Variants in CLN6 observed in about 807,000 individuals in gnomAD.
The protein encoded by CLN6 is CLN6 transmembrane ER protein, also known as ceroid-lipofuscinosis neuronal protein 6.
In CLN6, 22 loss-of-function variants were observed where a neutral mutation model predicts 33.3. The ratio of observed to expected loss-of-function variants is 0.66; its 90% confidence interval spans 0.47 to 0.94. CLN6 has a LOEUF of 0.94. CLN6 is among the 40% of genes least tolerant of loss of function. CLN6 has a pLI of 0.00. For synonymous variants in CLN6, 201 were observed against 174.6 expected (o/e 1.15, Z -1.19); for missense variants, 387 against 417.1 (o/e 0.93, Z 0.63).
intron 1 of CLN6, among the ~76,000 whole-genome samples, chr15:68,229,262 G>C: frequency 6.6e-6 from 1 of 152,168 alleles, no homozygotes. Context: ...CCTCCCACCC[G>C]AGCAACGGCG....
At chr15:68,229,383 C>G (rs1039220401) in intron 1 of CLN6, 119 bp downstream of exon 1, 2 of 753,548 alleles carry the variant, frequency 2.7e-6, no homozygotes, top group Non-Finnish European at 3.8e-6. Flanking sequence ...CTCCGCTCCG[C>G]CCCGGCCAGC....
chr15:68,228,755 AC>A lies in CLN6; in HGVS notation c.83+746del, dbSNP rs1186860234. On this transcript the variant is annotated intron_variant, in intron 1 of 6. Transcript: ENST00000249806. This position sits in a 1 kb window ranked among gnomAD's most constrained non-coding sequence, Gnocchi z 4.4. ...CTCTGTCTCTCCTGATCCCTACAGGACCGTAAGCCTCTCCCACCTTCACCCT... is the reference window on the plus strand; with the variant it reads ...CTCTGTCTCTCCTGATCCCTACAGGACGTAAGCCTCTCCCACCTTCACCCT... Among the ~76,000 whole-genome samples, 1 of 151,908 alleles carries A rather than the reference AC, an allele frequency of 6.6e-6. No individual in the cohort carries two copies. The highest frequency in any genetic ancestry group is 1.5e-5 in the Non-Finnish European group (1 of 67,966).
chr15:68,217,152 T>G (rs185517633), intron 2 of CLN6, among the ~76,000 whole-genome samples: 9 of 152,382 alleles, frequency 5.9e-5, no homozygotes, highest in Admixed American at 2.0e-4. Flanking sequence ...ACACTTATTG[T>G]GTTAGGCACT....
Position 68,228,224 on chromosome 15 carries a change from C to T in CLN6, c.83+1278G>A, listed in dbSNP as rs967516015. 1.3e-5 allele frequency among the ~76,000 whole-genome samples: 2 copies of T among 152,180 alleles called. No individual in the cohort carries two copies. Among genetic ancestry groups the T allele is most frequent in the Non-Finnish European group, 2.9e-5 (2 of 68,026 alleles). ...GCCCGCATGTCCGCAGCAGCAGAAACGAGCCATCCCTCACCTCAGCCCAAG... is the reference window on the plus strand; with the variant it reads ...GCCCGCATGTCCGCAGCAGCAGAAATGAGCCATCCCTCACCTCAGCCCAAG... On this transcript the variant is annotated intron_variant, in intron 1 of 6. Coordinates refer to ENST00000249806, the MANE Select transcript of CLN6 (RefSeq NM_017882.3). This position sits in a 1 kb window ranked among gnomAD's most constrained non-coding sequence, Gnocchi z 4.4.
chr15:68,218,531 C>T lies in CLN6; in HGVS notation c.198+5G>A. The T allele has an allele frequency of 6.2e-7, 1 of 1,601,354 alleles. No individual in the cohort carries two copies. The highest frequency in any genetic ancestry group is 8.6e-7 in the Non-Finnish European group (1 of 1,168,392). The stretch of plus-strand genomic sequence containing the variant: ...TCAGAGCCCTGTGCACCATTTCACA[C>T]TCACCATGGCAATGGGACGCCCAAA... On this transcript the variant is annotated splice_donor_5th_base_variant and intron_variant, in intron 2 of 6. Transcript: ENST00000249806.
At chr15:68,232,886 A>AT (rs2093270264), upstream of CLN6, among the ~76,000 whole-genome samples, 1 of 152,118 alleles carries the variant, frequency 6.6e-6, no homozygotes, top group Non-Finnish European at 1.5e-5. The surrounding 1 kb of genome is among the most constrained non-coding windows in gnomAD (Gnocchi z 4.7). Flanking sequence ...TACTAAAAAT[A>AT]CAAAAACGAA....
chr15:68,223,744 G>GAA (rs570594236), intron 1 of CLN6, among the ~76,000 whole-genome samples: 4 of 140,776 alleles, frequency 2.8e-5, no homozygotes, highest in Admixed American at 7.2e-5. Flanking sequence ...AGTAGGACAG[G>GAA]AAAAAAAAAA....
chr15:68,256,826 G>A lies in CLN6; in HGVS notation c.43C>T (p.Pro15Ser), dbSNP rs1003426651. 2 of 701,138 alleles carry A rather than the reference G, an allele frequency of 2.9e-6. No homozygotes were observed. The highest frequency in any genetic ancestry group is 4.0e-5 in the Admixed American group (2 of 49,876). The allele number at this position is 701,138 out of a possible 1,614,324, so 43.4% of individuals were successfully genotyped here. A position where few individuals can be genotyped will look rare whatever the true frequency, so the allele number is the denominator to read the frequency against. Reference sequence around the variant, plus strand: ...ATGGCTCCCAGTGTCTCTGGCCGGGGCCTGCCTCTCGCTCGCCGCTCCTTC... The same window carrying A: ...ATGGCTCCCAGTGTCTCTGGCCGGGACCTGCCTCTCGCTCGCCGCTCCTTC... The change falls in exon 1 of 7, where the codon CCC (proline) becomes TCC (serine). Residue 15 changes from proline (P) to serine (S), a missense_variant. By Grantham distance (74) the Pro-to-Ser change is moderately conservative. Transcript: ENST00000538696. The surrounding 1 kb of genome is among the most constrained non-coding windows in gnomAD (Gnocchi z 4.1).
rs2093259255 is a variant in CLN6, at chr15:68,228,769, C to T, written c.83+733G>A. Among the ~76,000 whole-genome samples, 1 of 152,134 alleles carries T rather than the reference C, an allele frequency of 6.6e-6. No homozygotes were observed. Among genetic ancestry groups the T allele is most frequent in the Non-Finnish European group, 1.5e-5 (1 of 68,022 alleles). The stretch of plus-strand genomic sequence containing the variant: ...ATCCCTACAGGACCGTAAGCCTCTC[C>T]CACCTTCACCCTGCCTACCCCCTTA... On this transcript the variant is annotated intron_variant, in intron 1 of 6. Coordinates refer to ENST00000249806, the MANE Select transcript of CLN6 (RefSeq NM_017882.3). The surrounding 1 kb of genome is among the most constrained non-coding windows in gnomAD (Gnocchi z 4.4).
rs1477295348 is a variant in CLN6 at position 68,228,187 on chromosome 15, C to T, written c.83+1315G>A. 6.6e-6 allele frequency among the ~76,000 whole-genome samples: 1 copy of T among 152,148 alleles called. No individual in the cohort carries two copies. The highest frequency in any genetic ancestry group is 2.4e-5 in the African/African-American group (1 of 41,428). On this transcript the variant is annotated intron_variant, in intron 1 of 6. Coordinates refer to ENST00000249806, the MANE Select transcript of CLN6 (RefSeq NM_017882.3). The surrounding 1 kb of genome is among the most constrained non-coding windows in gnomAD (Gnocchi z 4.4). ...TTTCTAAGTGAAAACGGACACAGTC[C>T]GCAGCTGCTCAGCCCGCATGTCCGC...
upstream of CLN6, among the ~76,000 whole-genome samples, chr15:68,231,555 C>T (rs1028162471): frequency 6.6e-6 from 1 of 152,248 alleles, no homozygotes; most frequent in Non-Finnish European, 1.5e-5. Flanking sequence ...CCTCTGCAGG[C>T]TTTGCAAGCC....
rs1311576499 is a variant in CLN6 at position 68,220,868 on chromosome 15, T to C, written c.84-2218A>G. On this transcript the variant is annotated intron_variant, in intron 1 of 6. Coordinates refer to ENST00000249806, the MANE Select transcript of CLN6 (RefSeq NM_017882.3). The surrounding 1 kb of genome is among the most constrained non-coding windows in gnomAD (Gnocchi z 4.2). ...TTTGTTTTTTGGAGACAGGGTCACC[T>C]AGGCTGGAGTACAGTGGTGTGATCA... is the stretch of plus-strand genomic sequence containing the variant. 6.6e-6 allele frequency among the ~76,000 whole-genome samples: 1 copy of C among 152,148 alleles called. No individual in the cohort carries two copies. The highest frequency in any genetic ancestry group is 1.9e-4 in the East Asian group (1 of 5,198).
rs1434478336 is a variant in CLN6, at chr15:68,246,982, C to G, written c.179+9708G>C. ...ACCAGCCTGGCCAACATATTAAAAC[C>G]CTGTCTCTATTAAAAATACAAAAAT... is the stretch of plus-strand genomic sequence containing the variant. On this transcript the variant is annotated intron_variant, in intron 1 of 6. Transcript: ENST00000538696. The surrounding 1 kb of genome is among the most constrained non-coding windows in gnomAD (Gnocchi z 4.5). Among the ~76,000 whole-genome samples, 1 of 151,956 alleles carries G rather than the reference C, an allele frequency of 6.6e-6. No individual in the cohort carries two copies. The highest frequency in any genetic ancestry group is 2.1e-4 in the South Asian group (1 of 4,812).
At position 68,208,716 on chromosome 15, in the gene CLN6, A is replaced by G. The variant is rs1377092899; in HGVS notation, c.666-306T>C. 6.6e-6 allele frequency among the ~76,000 whole-genome samples: 1 copy of G among 152,232 alleles called. No individual in the cohort carries two copies. The highest frequency in any genetic ancestry group is 1.5e-5 in the Non-Finnish European group (1 of 68,042). ...TACTTCCACACAACAAAAACTGACT[A>G]GAGGAGAAAGCAACAAACAATTGCC... On this transcript the variant is annotated intron_variant, in intron 6 of 6. Coordinates refer to ENST00000249806, the MANE Select transcript of CLN6 (RefSeq NM_017882.3). The surrounding 1 kb of genome is among the most constrained non-coding windows in gnomAD (Gnocchi z 5.8).
intron 1 of CLN6, among the ~76,000 whole-genome samples, chr15:68,235,139 T>C (rs1420888705): frequency 1.3e-5 from 2 of 152,214 alleles, no homozygotes; most frequent in African/African-American, 2.4e-5. Context: ...ATCCTCACAG[T>C]AGCCCTAAGG....
chr15:68,243,628 A>C (rs1041958097), intron 1 of CLN6, among the ~76,000 whole-genome samples: 3 of 151,616 alleles, frequency 2.0e-5, no homozygotes. Flanking sequence ...GGTGGCATGC[A>C]CCTGTAATCC....
intron 1 of CLN6, among the ~76,000 whole-genome samples, chr15:68,240,711 C>T (rs1406123940): frequency 9.9e-5 from 15 of 151,170 alleles, no homozygotes; most frequent in Non-Finnish European, 7.4e-5. Context: ...GGGCCGGGTG[C>T]GGTGGCTCAC....
At chr15:68,221,310 C>A (rs919411692) in intron 1 of CLN6, among the ~76,000 whole-genome samples, 3 of 150,596 alleles carry the variant, frequency 2.0e-5, no homozygotes, top group South Asian at 4.2e-4. Context: ...CAGCTCCCTG[C>A]AACCTCCCTG....
rs539749131 is a variant in CLN6 at position 68,247,531 on chromosome 15, C to T, written c.179+9159G>A. ...CACTGAAGAAATAAATTGAAGAGGA[C>T]ACAGCAAAATGGAAAGCTATTCCAT... On this transcript the variant is annotated intron_variant, in intron 1 of 6. Coordinates refer to the CLN6 transcript ENST00000538696. This position sits in a 1 kb window ranked among gnomAD's most constrained non-coding sequence, Gnocchi z 4.2. 6.6e-6 allele frequency among the ~76,000 whole-genome samples: 1 copy of T among 152,158 alleles called. No individual in the cohort carries two copies. Among genetic ancestry groups the T allele is most frequent in the East Asian group, 1.9e-4 (1 of 5,188 alleles).
Sources: gnomAD v4.1 joint callset for allele counts (sites outside exome capture counted in the v4.1 genomes callset) on GRCh38, gnomAD v4.1.1 for gene constraint, Gnocchi (gnomAD v3.1) non-coding constraint, MANE v1.5 for transcripts, NCBI Gene and HGNC (gene_info 2026-07-23, HGNC 2026-07-21) for gene names.